The following RALGAPA2 variants were observed in gnomAD, a reference collection of about 807,000 sequenced individuals.
RALGAPA2 encodes the protein ral GTPase-activating protein subunit alpha-2.
A neutral mutation model predicts 230.4 loss-of-function variants in RALGAPA2; 139 were observed. The observed-to-expected ratio is 0.60, with a 90% CI of 0.53 to 0.69. RALGAPA2 has a LOEUF of 0.69. Ranked by LOEUF, RALGAPA2 falls within the 30% of genes least tolerant of loss-of-function variation. The probability of loss-of-function intolerance (pLI) is 0.00; values close to 1 mark genes in which losing one functional copy is unlikely to be tolerated. For synonymous variants in RALGAPA2, 847 were observed against 837.8 expected (o/e 1.01, Z -0.19); for missense variants, 2,163 against 2,276.0 (o/e 0.95, Z 1.01).
intron 36 of RALGAPA2, among the ~76,000 whole-genome samples, chr20:20,486,158 A>AG (rs1293734095): frequency 1.8e-4 from 28 of 152,234 alleles, no homozygotes; most frequent in African/African-American, 6.5e-4. Flanking sequence ...AATAAAAAAA[A>AG]CAGATTTCAT....
chr20:20,527,590 A>AC (rs2063245991), intron 27 of RALGAPA2, among the ~76,000 whole-genome samples: 1 of 148,022 alleles, frequency 6.8e-6, no homozygotes, highest in Admixed American at 6.8e-5. Flanking sequence ...AGGCCACCAC[A>AC]CCGCCCTCCC....
At chr20:20,705,127 T>C (rs1345505912) in intron 1 of RALGAPA2, among the ~76,000 whole-genome samples, 2 of 152,218 alleles carry the variant, frequency 1.3e-5, no homozygotes, top group Non-Finnish European at 2.9e-5. Context: ...AATCCTGGGC[T>C]TGTGCCTTAT....
At chr20:20,577,459 A>C (rs915640565) in intron 20 of RALGAPA2, among the ~76,000 whole-genome samples, 1 of 152,224 alleles carries the variant, frequency 6.6e-6, no homozygotes, top group East Asian at 1.9e-4. Context: ...TAGTTCCCAC[A>C]AGAGTATCAT....
At chr20:20,608,389 A>T (rs973526540) in intron 14 of RALGAPA2, among the ~76,000 whole-genome samples, 12 of 152,186 alleles carry the variant, frequency 7.9e-5, no homozygotes, top group Non-Finnish European at 4.4e-5. Flanking sequence ...AACATCACTT[A>T]AGGCAATAAG....
chr20:20,562,803 T>C (rs2064297459), intron 23 of RALGAPA2, among the ~76,000 whole-genome samples: 2 of 152,206 alleles, frequency 1.3e-5, no homozygotes, highest in Admixed American at 1.3e-4. Flanking sequence ...GGGCTCTGTC[T>C]ACAGATTAAT....
intron 30 of RALGAPA2, among the ~76,000 whole-genome samples, chr20:20,523,353 C>T (rs1178458118): frequency 6.6e-6 from 1 of 152,140 alleles, no homozygotes; most frequent in Non-Finnish European, 1.5e-5. Flanking sequence ...AAAATGATGA[C>T]GCTAATTACT....
intron 16 of RALGAPA2, among the ~76,000 whole-genome samples, 190 bp from the exon 17 acceptor site, chr20:20,591,504 C>T (rs2065290530): frequency 6.6e-6 from 1 of 152,132 alleles, no homozygotes; most frequent in African/African-American, 2.4e-5. Context: ...TCCAAGAGTA[C>T]CTTTTCCACT....
chr20:20,645,607 A>G (rs1273235507), intron 4 of RALGAPA2, among the ~76,000 whole-genome samples: 1 of 152,200 alleles, frequency 6.6e-6, no homozygotes, highest in Non-Finnish European at 1.5e-5. Context: ...CAGAAAACTA[A>G]TACATATGTA....
Position 20,676,217 on chromosome 20 carries a change from T to C in RALGAPA2, c.270+19A>G. 6.8e-7 allele frequency: 1 copy of C among 1,474,978 alleles called. No individual in the cohort carries two copies. Among genetic ancestry groups the C allele is most frequent in the Non-Finnish European group, 9.3e-7 (1 of 1,074,060 alleles). 91.4% of individuals were successfully genotyped at this position (1,474,978 alleles called of 1,614,324 possible). A position where few individuals can be genotyped will look rare whatever the true frequency, so the allele number is the denominator to read the frequency against. ...TCCAACAAGAATTATAAAAGCTAAA[T>C]AAACTCATCAAAACTTACTTCAAAA... On this transcript the variant is annotated intron_variant, in intron 3 of 39. Transcript: ENST00000202677.
At chr20:20,420,115 C>T (rs1053377141) in intron 37 of RALGAPA2, among the ~76,000 whole-genome samples, 1 of 152,064 alleles carries the variant, frequency 6.6e-6, no homozygotes, top group Non-Finnish European at 1.5e-5. Context: ...AAGAGCAGTT[C>T]GGGCACAGAG....
chr20:20,573,108 T>A, intron 20 of RALGAPA2, 40 bp from the exon 21 acceptor site: 1 of 1,451,996 alleles, frequency 6.9e-7, no homozygotes, highest in Non-Finnish European at 9.2e-7. Flanking sequence ...GTAAACAATC[T>A]TGATTTCATC....
intron 37 of RALGAPA2, among the ~76,000 whole-genome samples, chr20:20,419,791 T>C (rs763497820): frequency 8.1e-4 from 124 of 152,332 alleles, no homozygotes; most frequent in Middle Eastern, 3.4e-3. Flanking sequence ...GGATCTCAAG[T>C]GGCTGTGCTA....
intron 36 of RALGAPA2, among the ~76,000 whole-genome samples, chr20:20,480,186 T>A (rs2061740387): frequency 6.6e-6 from 1 of 152,216 alleles, no homozygotes; most frequent in African/African-American, 2.4e-5. Context: ...GGCATGTATG[T>A]ATCTTGACTA....
Position 20,396,679 on chromosome 20 carries a change from G to C in RALGAPA2, c.*35+16C>G. 4 of 1,603,544 alleles carry C rather than the reference G, an allele frequency of 2.5e-6. No individual in the cohort carries two copies. The highest frequency in any genetic ancestry group is 3.4e-6 in the Non-Finnish European group (4 of 1,172,126). On this transcript the variant is annotated intron_variant, in intron 39 of 39. Transcript: ENST00000202677. ...AGCAGGGTGGCTGGACAAATCCACTGAAGTGTCTGTCTTACCTTGCTCAAA... is the reference window on the plus strand; with the variant it reads ...AGCAGGGTGGCTGGACAAATCCACTCAAGTGTCTGTCTTACCTTGCTCAAA...
chr20:20,645,102 G>A (rs1273035736), intron 4 of RALGAPA2, among the ~76,000 whole-genome samples: 2 of 142,842 alleles, frequency 1.4e-5, no homozygotes, highest in African/African-American at 2.6e-5. Context: ...TGGTGGTGGT[G>A]GTGCTTTTTT....
intron 36 of RALGAPA2, among the ~76,000 whole-genome samples, chr20:20,487,017 T>C (rs1491001386): frequency 2.6e-5 from 4 of 152,266 alleles, no homozygotes; most frequent in Non-Finnish European, 5.9e-5. Context: ...TATTAATCAG[T>C]AATTTTAAAT....
At chr20:20,534,101 G>T (rs543613102) in intron 26 of RALGAPA2, among the ~76,000 whole-genome samples, 6 of 152,174 alleles carry the variant, frequency 3.9e-5, no homozygotes, top group African/African-American at 1.4e-4. Flanking sequence ...TACACAAAAC[G>T]TGTCAGAGAT....
At chr20:20,446,447 C>T (rs547073294) in intron 37 of RALGAPA2, among the ~76,000 whole-genome samples, 6 of 152,060 alleles carry the variant, frequency 3.9e-5, no homozygotes, top group South Asian at 2.1e-4. Flanking sequence ...AGGCAAAAAC[C>T]GCAATTACTT....
At chr20:20,684,727 T>A (rs1466863993) in intron 1 of RALGAPA2, among the ~76,000 whole-genome samples, 1 of 152,166 alleles carries the variant, frequency 6.6e-6, no homozygotes, top group Non-Finnish European at 1.5e-5. Context: ...GTTGAAATCA[T>A]CCCTTTATTA....
Sources: gnomAD v4.1 joint callset for allele counts (sites outside exome capture counted in the v4.1 genomes callset) on GRCh38, gnomAD v4.1.1 for gene constraint, MANE v1.5 for transcripts, NCBI Gene and HGNC (gene_info 2026-07-23, HGNC 2026-07-21) for gene names.